Variants in SEH1L observed in about 807,000 individuals in gnomAD.
SEH1L encodes SEH1 like nucleoporin.
A neutral mutation model predicts 49.5 loss-of-function variants in SEH1L; 18 were observed. The ratio of observed to expected loss-of-function variants is 0.36; its 90% CI spans 0.25 to 0.54. The LOEUF is 0.54. Among genes scored for constraint, SEH1L ranks in the 20% least tolerant of loss-of-function variants. SEH1L has a pLI of 0.87. For synonymous variants in SEH1L, 169 were observed against 178.1 expected, an observed-to-expected ratio of 0.95 and a Z score of 0.41; for missense variants, 404 against 528.8, an observed-to-expected ratio of 0.76 and a Z score of 2.31.
In SEH1L at chr18:12,980,638, C is replaced by T. The variant is rs1156357524; in HGVS notation, c.761+1746C>T. Among the ~76,000 whole-genome samples the T allele has an allele frequency of 1.2e-4, 15 of 128,638 alleles. No homozygotes were observed. In the East Asian group the frequency reaches 1.5e-3, roughly 13 times the overall value. 84.4% of individuals were successfully genotyped at this position (128,638 alleles called of 152,430 possible). Reference sequence around the variant, plus strand: ...GGGGCTCCTCTCTTCCCAGTAGGGGCGGCCGGGCAGAGGCGCCCCTCACCT... The same window carrying T: ...GGGGCTCCTCTCTTCCCAGTAGGGGTGGCCGGGCAGAGGCGCCCCTCACCT... On this transcript the variant is annotated intron_variant, in intron 6 of 8. Coordinates refer to ENST00000399892, the MANE Select transcript of SEH1L (RefSeq NM_001013437.2).
In SEH1L at chr18:12,971,495, G is replaced by A. The variant is rs1242554944; in HGVS notation, c.620+244G>A. On this transcript the variant is annotated intron_variant, in intron 5 of 8. Transcript: ENST00000399892. ...TAAAAGTACAAAAAATTAGCTGGGT[G>A]TGGTGGCAGGTGCCTGTAATCCCAG... 8 of 243,154 alleles carry A rather than the reference G, an allele frequency of 3.3e-5. No individual in the cohort carries two copies. In the South Asian group the frequency reaches 3.8e-4, roughly 11 times the overall value. 15.1% of individuals were successfully genotyped at this position (243,154 alleles called of 1,614,324 possible). A position where few individuals can be genotyped will look rare whatever the true frequency, so the allele number is the denominator to read the frequency against.
intron 4 of SEH1L, among the ~76,000 whole-genome samples, chr18:12,965,051 T>G (rs1472795266): frequency 5.1e-5 from 7 of 136,154 alleles, no homozygotes; most frequent in African/African-American, 2.0e-4. Context: ...TCTCGCTCTG[T>G]CACCCAGGCT....
chr18:12,982,718 C>CAATT (rs1179052738), intron 7 of SEH1L, 43 bp downstream of exon 7: 7 of 1,429,006 alleles, frequency 4.9e-6, no homozygotes, highest in Non-Finnish European at 6.6e-6. Flanking sequence ...TATATTTCTG[C>CAATT]TCTGCAATTT....
chr18:12,964,150 A>G (rs1223947379), intron 4 of SEH1L, among the ~76,000 whole-genome samples: 1 of 152,226 alleles, frequency 6.6e-6, no homozygotes, highest in Non-Finnish European at 1.5e-5. Flanking sequence ...CTATATGAAT[A>G]TTACCATAGT....
chr18:12,974,857 C>G (rs1452026040), intron 5 of SEH1L, among the ~76,000 whole-genome samples: 2 of 152,192 alleles, frequency 1.3e-5, no homozygotes, highest in African/African-American at 2.4e-5. Context: ...GAGTGAATGA[C>G]TAGTCTAAGG....
At chr18:12,956,942 C>G (rs1399694814) in intron 3 of SEH1L, among the ~76,000 whole-genome samples, 1 of 152,120 alleles carries the variant, frequency 6.6e-6, no homozygotes, top group African/African-American at 2.4e-5. Context: ...TGGTGGGTGC[C>G]TGTAAGTCCC....
chr18:12,969,557 G>A (rs183806483), intron 4 of SEH1L, among the ~76,000 whole-genome samples: 20 of 151,986 alleles, frequency 1.3e-4, no homozygotes, highest in African/African-American at 3.9e-4. Flanking sequence ...GCGTGGTGGC[G>A]CGTGCCTGTA....
rs1311563304 is a variant in SEH1L at position 12,978,771 on chromosome 18, A to T, written c.640A>T (p.Thr214Ser). 1 of 1,609,282 alleles carries T rather than the reference A, an allele frequency of 6.2e-7. No homozygotes were observed. The highest frequency in any genetic ancestry group is 8.5e-7 in the Non-Finnish European group (1 of 1,178,016). The change falls in exon 6 of 9, where the codon ACT (threonine) becomes TCT (serine). Residue 214 changes from threonine to serine, a missense_variant. This residue lies in a region of SEH1L where 342 missense variants were observed against 430.8 expected (regional missense o/e 0.79). Coordinates refer to ENST00000399892, the MANE Select transcript of SEH1L (RefSeq NM_001013437.2). ...CATTAGGAAATATGCAAAAGCTGAA[A>T]CTCTTATGACAGTCACTGATCCTGT... Reference protein sequence around the residue: ...ENTRKYAKAETLMTVTDPVHD... With the variant: ...ENTRKYAKAESLMTVTDPVHD...
chr18:12,955,734 GTTCT>G (rs2030813312), intron 3 of SEH1L, 125 bp downstream of exon 3: 1 of 962,178 alleles, frequency 1.0e-6, no homozygotes, highest in East Asian at 2.6e-5. Context: ...CAGTTCTAAA[GTTCT>G]TTCTTCCATG....
chr18:12,978,924 ATACTCTTGCC>A, intron 6 of SEH1L, 32 bp downstream of exon 6: 1 of 1,604,414 alleles, frequency 6.2e-7, no homozygotes, highest in Non-Finnish European at 8.5e-7. Flanking sequence ...GAATTTGAAA[ATACTCTTGCC>A]TTCTGATTAC....
chr18:12,977,675 G>A (rs2031982231), intron 5 of SEH1L: 1 of 152,144 alleles, frequency 6.6e-6, no homozygotes, highest in African/African-American at 2.4e-5. Flanking sequence ...AGTGAGCCAA[G>A]ATTGCGCCAT....
At chr18:12,978,540 A>G (rs1305881473) in intron 5 of SEH1L, 1 of 449,112 alleles carries the variant, frequency 2.2e-6, no homozygotes, top group Non-Finnish European at 3.9e-6. Flanking sequence ...CCTTAATTAC[A>G]TTTTCAAAGA....
At chr18:12,985,863 C>A in intron 8 of SEH1L, 1 of 967,446 alleles carries the variant, frequency 1.0e-6, no homozygotes, top group Non-Finnish European at 1.2e-6. Context: ...ATGAAAGGAA[C>A]TTGACTGTAC....
chr18:12,948,195 G>A lies in SEH1L; in HGVS notation c.74G>A (p.Arg25Gln), dbSNP rs1461673036. 6.2e-7 allele frequency: 1 copy of A among 1,612,056 alleles called. No homozygotes were observed. The highest frequency in any genetic ancestry group is 1.7e-5 in the Admixed American group (1 of 59,962). Residue 25 changes from arginine to glutamine, a missense_variant, in exon 1 of 9, where the codon CGG becomes CAG. Transcript: ENST00000399892. Reference protein sequence around the residue: ...IHDVSFDFHGRRMATCSSDQS... With the variant: ...IHDVSFDFHGQRMATCSSDQS... Reference sequence around the variant, plus strand: ...GATGTCTCTTTCGACTTCCACGGGCGGCGGATGGCAACCTGCTCCAGCGAT... The same window carrying A: ...GATGTCTCTTTCGACTTCCACGGGCAGCGGATGGCAACCTGCTCCAGCGAT...
At chr18:12,982,459 A>G (rs774691653) in intron 6 of SEH1L, 59 bp from the exon 7 acceptor site, 98 of 1,163,734 alleles carry the variant, frequency 8.4e-5, no homozygotes, top group South Asian at 2.2e-4. Flanking sequence ...ATGTGTGTGT[A>G]TATATATATG....
chr18:12,979,744 G>T (rs2032093323), intron 6 of SEH1L, among the ~76,000 whole-genome samples: 1 of 141,820 alleles, frequency 7.1e-6, no homozygotes, highest in African/African-American at 2.6e-5. Flanking sequence ...GCCGGGCGGG[G>T]GGCTGACCCC....
At chr18:12,952,389 T>G (rs978618115) in intron 2 of SEH1L, among the ~76,000 whole-genome samples, 2 of 152,036 alleles carry the variant, frequency 1.3e-5, no homozygotes, top group African/African-American at 4.8e-5. Context: ...TGCACCACGA[T>G]GCCCGGCTAA....
chr18:12,963,640 C>T (rs865929901), intron 4 of SEH1L, among the ~76,000 whole-genome samples: 3 of 152,188 alleles, frequency 2.0e-5, no homozygotes, highest in Non-Finnish European at 2.9e-5. Flanking sequence ...CACATATATG[C>T]AAACACGCCC....
chr18:12,953,225 G>A (rs1201022777), intron 2 of SEH1L, among the ~76,000 whole-genome samples: 1 of 152,160 alleles, frequency 6.6e-6, no homozygotes, highest in Admixed American at 6.5e-5. Context: ...TGAGTAGTCC[G>A]TTGTATGTAT....
Sources: gnomAD v4.1 joint callset for allele counts (sites outside exome capture counted in the v4.1 genomes callset) on GRCh38, gnomAD v4.1.1 for gene constraint, gnomAD v4.1.1 regional missense constraint, MANE v1.5 for transcripts, NCBI Gene and HGNC (gene_info 2026-07-23, HGNC 2026-07-21) for gene names.